Variants in THSD7B observed in about 807,000 individuals in gnomAD.
THSD7B encodes the protein thrombospondin type 1 domain containing 7B, also known as thrombospondin type-1 domain-containing protein 7B.
In THSD7B, 138 loss-of-function variants were observed where a neutral mutation model predicts 213.6. The ratio of observed to expected loss-of-function variants is 0.65; its 90% CI spans 0.56 to 0.74. THSD7B has a LOEUF of 0.74. Ranked by LOEUF, THSD7B falls within the 30% of genes least tolerant of loss-of-function variation. The pLI is 0.00. For synonymous variants in THSD7B, 742 were observed against 687.0 expected, an observed-to-expected ratio of 1.08 and a Z score of -1.25; for missense variants, 1,931 against 1,991.5, an observed-to-expected ratio of 0.97 and a Z score of 0.58.
At chr2:137,551,347 A>G (rs573180375) in intron 15 of THSD7B, among the ~76,000 whole-genome samples, 1 of 152,262 alleles carries the variant, frequency 6.6e-6, no homozygotes, top group Non-Finnish European at 1.5e-5. Context: ...AGCTCATTCA[A>G]GTTCAGCAGT....
chr2:136,784,399 G>C (rs1038888982), intron 1 of THSD7B, among the ~76,000 whole-genome samples: 1 of 151,928 alleles, frequency 6.6e-6, no homozygotes, highest in Non-Finnish European at 1.5e-5. Context: ...GAAATGGCTA[G>C]GCACAGATTT....
chr2:137,197,164 G>C (rs967080575), intron 7 of THSD7B, among the ~76,000 whole-genome samples: 2 of 152,134 alleles, frequency 1.3e-5, no homozygotes, highest in Non-Finnish European at 2.9e-5. Flanking sequence ...AAGGGATTTG[G>C]GATGTGCTAC....
chr2:137,085,538 T>A (rs982724830), intron 3 of THSD7B, among the ~76,000 whole-genome samples: 3 of 151,986 alleles, frequency 2.0e-5, no homozygotes, highest in African/African-American at 7.2e-5. Flanking sequence ...CAAAATAAGT[T>A]AAAAATTAAT....
chr2:137,415,664 GTTT>G (rs10563702), intron 14 of THSD7B, among the ~76,000 whole-genome samples: 2,935 of 80,166 alleles, frequency 0.037, 29 homozygotes, highest in Middle Eastern at 0.045. Context: ...TTATATCAGT[GTTT>G]TTTTTTTTTT....
rs78459092 is a variant in THSD7B, at chr2:137,384,985, C to T, written c.2501-20628C>T. On this transcript the variant is annotated intron_variant, in intron 12 of 27. Transcript: ENST00000409968. ...TCTGGAGTTCTTCAGCCTGAGACTT[C>T]AGCAGTGGATATCACCAGGGCAAGC... Among the ~76,000 whole-genome samples, 1,198 of 152,186 alleles carry T rather than the reference C, an allele frequency of 7.9e-3. 10 individuals are homozygous for T. The highest frequency in any genetic ancestry group is 0.027 in the African/African-American group (1,132 of 41,528).
chr2:137,416,123 G>A (rs1686793659), intron 14 of THSD7B, among the ~76,000 whole-genome samples: 1 of 152,156 alleles, frequency 6.6e-6, no homozygotes, highest in Non-Finnish European at 1.5e-5. Flanking sequence ...TCCAAAGTAT[G>A]TCTTGTCTTT....
chr2:137,233,583 G>A (rs1417394704), intron 9 of THSD7B, among the ~76,000 whole-genome samples: 1 of 152,080 alleles, frequency 6.6e-6, no homozygotes, highest in Non-Finnish European at 1.5e-5. Context: ...ATTCTAATTA[G>A]ACTAATGAAT....
At chr2:137,565,507 G>A (rs1305972243) in intron 16 of THSD7B, among the ~76,000 whole-genome samples, 1 of 152,144 alleles carries the variant, frequency 6.6e-6, no homozygotes, top group Non-Finnish European at 1.5e-5. Flanking sequence ...CTCAACACTA[G>A]AATAATGACA....
intron 15 of THSD7B, among the ~76,000 whole-genome samples, chr2:137,557,242 C>A (rs1386650964): frequency 1.3e-5 from 2 of 152,132 alleles, no homozygotes; most frequent in Admixed American, 6.5e-5. Flanking sequence ...AATATACATT[C>A]TTCTCAGAAC....
intron 12 of THSD7B, among the ~76,000 whole-genome samples, chr2:137,295,797 A>C (rs1227887310): frequency 3.9e-5 from 6 of 151,990 alleles, no homozygotes; most frequent in African/African-American, 1.4e-4. Flanking sequence ...AGGTAGTAGA[A>C]TTTCCCTGCT....
chr2:137,105,076 G>C (rs536387325), intron 4 of THSD7B, among the ~76,000 whole-genome samples: 1 of 152,182 alleles, frequency 6.6e-6, no homozygotes, highest in Non-Finnish European at 1.5e-5. Context: ...GCATCATCCT[G>C]ATACAAAAAC....
intron 2 of THSD7B, among the ~76,000 whole-genome samples, chr2:137,023,434 T>A (rs1348679446): frequency 6.6e-6 from 1 of 152,128 alleles, no homozygotes; most frequent in Admixed American, 6.6e-5. Context: ...AGGAAGGGAC[T>A]CTGGGAAATG....
At chr2:137,249,261 A>C (rs993857194) in intron 10 of THSD7B, among the ~76,000 whole-genome samples, 1 of 151,966 alleles carries the variant, frequency 6.6e-6, no homozygotes, top group Non-Finnish European at 1.5e-5. Flanking sequence ...ATATTTTTTT[A>C]ATTATGGGAT....
intron 1 of THSD7B, among the ~76,000 whole-genome samples, chr2:136,845,576 G>A (rs1682995199): frequency 6.6e-6 from 1 of 152,124 alleles, no homozygotes; most frequent in Non-Finnish European, 1.5e-5. Context: ...ACTGAGGCAG[G>A]TACAAGTCAT....
chr2:137,190,569 G>A (rs1026724706), intron 7 of THSD7B, among the ~76,000 whole-genome samples: 1 of 152,018 alleles, frequency 6.6e-6, no homozygotes, highest in African/African-American at 2.4e-5. Flanking sequence ...AGTATCCTCG[G>A]GTGTTTGCAG....
chr2:137,340,862 T>C (rs928903529), intron 12 of THSD7B, among the ~76,000 whole-genome samples: 5 of 151,816 alleles, frequency 3.3e-5, no homozygotes, highest in African/African-American at 1.2e-4. Flanking sequence ...AACTTGGCTA[T>C]TGTGAACAGT....
intron 14 of THSD7B, among the ~76,000 whole-genome samples, chr2:137,436,157 T>C (rs1687286296): frequency 6.6e-6 from 1 of 151,516 alleles, no homozygotes; most frequent in African/African-American, 2.4e-5. Flanking sequence ...TAAATAAATA[T>C]ATATAATTAT....
intron 27 of THSD7B, among the ~76,000 whole-genome samples, chr2:137,673,686 C>A (rs150871047): frequency 2.6e-5 from 4 of 152,298 alleles, no homozygotes; most frequent in Non-Finnish European, 2.9e-5. Flanking sequence ...CAGTCTTGCC[C>A]CTCAGCTCCT....
intron 1 of THSD7B, among the ~76,000 whole-genome samples, chr2:136,776,647 T>C (rs761251972): frequency 6.6e-6 from 1 of 152,146 alleles, no homozygotes; most frequent in Non-Finnish European, 1.5e-5. Context: ...TTGGCAAGCA[T>C]TGATGTTCAG....
Sources: allele counts gnomAD v4.1 joint callset (sites outside exome capture counted in the v4.1 genomes callset), GRCh38; gene constraint gnomAD v4.1.1; transcripts MANE v1.5; gene names NCBI Gene and HGNC (gene_info 2026-07-23, HGNC 2026-07-21).